DOCK10: variants seen among roughly 807,000 people sequenced by gnomAD.
DOCK10 encodes dedicator of cytokinesis 10, also known as dedicator of cytokinesis protein 10.
Under a neutral mutation model 280.1 loss-of-function variants are expected in DOCK10, and 145 were observed. The observed-to-expected ratio is 0.52, with a 90% CI of 0.45 to 0.59. DOCK10 has a LOEUF of 0.59. DOCK10 is among the 20% of genes least tolerant of loss of function. The pLI is 0.00. For missense variants in DOCK10, 2,368 were observed against 2,651.7 expected (o/e 0.89, Z 2.35); for synonymous variants, 915 against 942.2 (o/e 0.97, Z 0.53).
At chr2:224,842,414 G>A (rs1312775000) in intron 22 of DOCK10, among the ~76,000 whole-genome samples, 4 of 152,146 alleles carry the variant, frequency 2.6e-5, no homozygotes, top group Admixed American at 6.5e-5. Context: ...CTTCCAGAAG[G>A]TGGTACCTGG....
chr2:225,028,631 C>T (rs752703284), intron 1 of DOCK10, among the ~76,000 whole-genome samples: 1 of 152,212 alleles, frequency 6.6e-6, no homozygotes, highest in Non-Finnish European at 1.5e-5. Flanking sequence ...AAAGTCACAG[C>T]AGCCCAGACC....
Position 224,885,684 on chromosome 2 carries a change from G to A in DOCK10, c.734C>T (p.Thr245Ile). Residue 245 changes from threonine (T) to isoleucine (I), a missense_variant, in exon 7 of 56, where the codon ACA becomes ATA. By Grantham distance (89) the Thr-to-Ile change is moderately conservative (BLOSUM62 -1). Around this residue, in one of 2 missense-constraint regions of DOCK10, gnomAD observed 1,209 missense variants for 1,250.9 expected, o/e 0.97. Transcript: ENST00000258390. Reference protein sequence around the residue: ...PKGCIFLDSCTGVVQNNRLRK... With the variant: ...PKGCIFLDSCIGVVQNNRLRK... ...ATGTCTACTCACCTGCACCACTCCT[G>A]TACAGGAATCCAAAAAGATGCATCC... 1 of 1,609,362 alleles carries A rather than the reference G, an allele frequency of 6.2e-7. No individual in the cohort carries two copies. The highest frequency in any genetic ancestry group is 8.5e-7 in the Non-Finnish European group (1 of 1,177,444).
intron 7 of DOCK10, among the ~76,000 whole-genome samples, chr2:224,880,115 C>T (rs2125716840): frequency 6.6e-6 from 1 of 152,282 alleles, no homozygotes; most frequent in East Asian, 1.9e-4. Context: ...GTCTAAACTG[C>T]ATTCAGTACT....
At chr2:224,983,676 T>A in intron 1 of DOCK10, 2 of 444,612 alleles carry the variant, frequency 4.5e-6, no homozygotes, top group Non-Finnish European at 9.3e-6. Flanking sequence ...TGCTCAGTAA[T>A]CTGTCACAAC....
intron 1 of DOCK10, among the ~76,000 whole-genome samples, chr2:224,939,449 T>C (rs80184310): frequency 0.012 from 1,860 of 152,278 alleles, 34 homozygotes; most frequent in African/African-American, 0.042. Context: ...CAAATAAAAA[T>C]AAAATTTAAA....
At chr2:225,016,394 ATGT>A (rs1301903706) in intron 1 of DOCK10, among the ~76,000 whole-genome samples, 1 of 151,698 alleles carries the variant, frequency 6.6e-6, no homozygotes, top group Non-Finnish European at 1.5e-5. Context: ...AAATATTATG[ATGT>A]TCTTATATGA....
At position 224,816,636 on chromosome 2, in the gene DOCK10, T is replaced by A; in HGVS notation, c.3345A>T (p.Ile1115=). 1 of 1,604,026 alleles carries A rather than the reference T, an allele frequency of 6.2e-7. No individual in the cohort carries two copies. The highest frequency in any genetic ancestry group is 1.1e-5 in the South Asian group (1 of 89,472). The part of the protein sequence containing the change: ...HEHFIPLCLP[I]RSANIPDPLT... Reference sequence around the variant, plus strand: ...TATTACCTGGAATGTTTGCTGATCTTATGGGCAGACACAAAGGGATAAAGT... The same window carrying A: ...TATTACCTGGAATGTTTGCTGATCTAATGGGCAGACACAAAGGGATAAAGT... The change falls in exon 30 of 56, where the codon ATA becomes ATT. Residue 1115 remains isoleucine, a synonymous_variant. Coordinates refer to ENST00000258390, the MANE Select transcript of DOCK10 (RefSeq NM_014689.3).
intron 51 of DOCK10, among the ~76,000 whole-genome samples, chr2:224,776,987 C>T (rs781057791): frequency 2.6e-5 from 4 of 152,186 alleles, no homozygotes; most frequent in Non-Finnish European, 4.4e-5. Flanking sequence ...GCTGTTTGCA[C>T]AGGTCCTTCT....
intron 47 of DOCK10, among the ~76,000 whole-genome samples, chr2:224,789,761 G>C (rs1442248415): frequency 6.7e-6 from 1 of 149,202 alleles, no homozygotes; most frequent in African/African-American, 2.5e-5. Flanking sequence ...CCCCCAAAAA[G>C]ACAAGACAAT....
chr2:224,789,047 G>A lies in DOCK10; in HGVS notation c.5418+17C>T. The A allele has an allele frequency of 6.5e-7, 1 of 1,530,402 alleles. No individual in the cohort carries two copies. The highest frequency in any genetic ancestry group is 9.0e-7 in the Non-Finnish European group (1 of 1,105,170). 94.8% of individuals were successfully genotyped at this position (1,530,402 alleles called of 1,614,324 possible). On this transcript the variant is annotated intron_variant, in intron 48 of 55. Transcript: ENST00000258390. ...CTCTTTCCTTCGTTACTGTACATGA[G>A]ATAATTTTGGTCTAACCTCATTGTA...
In DOCK10 at chr2:224,784,795, T is replaced by G. The variant is rs1375208090; in HGVS notation, c.5655+2227A>C. 2.3e-6 allele frequency: 3 copies of G among 1,286,598 alleles called. No homozygotes were observed. In the African/African-American group the frequency reaches 4.6e-5, roughly 20 times the overall value. The allele number at this position is 1,286,598 out of a possible 1,614,324, so 79.7% of individuals were successfully genotyped here. A position where few individuals can be genotyped will look rare whatever the true frequency, so the allele number is the denominator to read the frequency against. On this transcript the variant is annotated intron_variant, in intron 50 of 55. Transcript: ENST00000258390. ...AAGAGTAAACATCTGCATTAAAAAC[T>G]ATTTGAAAAGCAGCGTGATTCACTT...
chr2:225,010,587 A>G (rs1689404770), intron 1 of DOCK10: 1 of 154,328 alleles, frequency 6.5e-6, no homozygotes, highest in African/African-American at 2.4e-5. Context: ...ACTTTGAGAA[A>G]GGGAAGGGAC....
At position 224,828,107 on chromosome 2, in the gene DOCK10, C is replaced by T. The variant is rs76284570; in HGVS notation, c.3036+2434G>A. On this transcript the variant is annotated intron_variant, in intron 27 of 55. Transcript: ENST00000258390. Reference sequence around the variant, plus strand: ...CCGCCTCTCCTTCTGGTGATCAGGGCAATACCTGGAGGTTAAATCCTAGCT... The same window carrying T: ...CCGCCTCTCCTTCTGGTGATCAGGGTAATACCTGGAGGTTAAATCCTAGCT... Among the ~76,000 whole-genome samples the T allele has an allele frequency of 5.9e-3, 895 of 152,288 alleles. 8 individuals are homozygous for T. The highest frequency in any genetic ancestry group is 0.019 in the African/African-American group (784 of 41,556).
chr2:224,852,552 C>A (rs992551799), intron 17 of DOCK10, 110 bp from the exon 18 acceptor site: 3 of 797,384 alleles, frequency 3.8e-6, no homozygotes, highest in Non-Finnish European at 6.1e-6. Context: ...ATGTAAAATA[C>A]CCAACATTTT....
At chr2:224,825,406 T>C (rs1177973803) in intron 27 of DOCK10, among the ~76,000 whole-genome samples, 2 of 152,242 alleles carry the variant, frequency 1.3e-5, no homozygotes, top group African/African-American at 2.4e-5. Context: ...ACTAATGAAC[T>C]TAACTGATTT....
At chr2:224,883,949 A>G (rs1699122316) in intron 7 of DOCK10, among the ~76,000 whole-genome samples, 1 of 152,228 alleles carries the variant, frequency 6.6e-6, no homozygotes, top group African/African-American at 2.4e-5. Context: ...AATGGAAAGG[A>G]TAATATTTAA....
At chr2:224,793,193 A>G (rs1692324369) in intron 46 of DOCK10, 121 bp from the exon 47 acceptor site, 1 of 869,034 alleles carries the variant, frequency 1.2e-6, no homozygotes, top group Non-Finnish European at 1.8e-6. Context: ...TTGACCATCC[A>G]GTTAGCCTTT....
At chr2:224,783,523 C>G (rs530059287) in intron 50 of DOCK10, among the ~76,000 whole-genome samples, 1 of 152,134 alleles carries the variant, frequency 6.6e-6, no homozygotes, top group East Asian at 1.9e-4. Context: ...ATCTGCCCAC[C>G]TCGGCCTCCC....
chr2:224,880,842 A>G (rs1436309625), intron 7 of DOCK10, among the ~76,000 whole-genome samples: 4 of 152,212 alleles, frequency 2.6e-5, no homozygotes, highest in Non-Finnish European at 5.9e-5. Flanking sequence ...TCTTGTATAG[A>G]ATTTTGCAGG....
Sources: allele counts gnomAD v4.1 joint callset (sites outside exome capture counted in the v4.1 genomes callset), GRCh38; gene constraint gnomAD v4.1.1; regional missense constraint gnomAD v4.1.1; transcripts MANE v1.5; gene names NCBI Gene and HGNC (gene_info 2026-07-23, HGNC 2026-07-21).